PPAT: variants seen among roughly 807,000 people sequenced by gnomAD.
PPAT encodes amidophosphoribosyltransferase.
Under a neutral mutation model 60.2 loss-of-function variants are expected in PPAT, and 20 were observed. The ratio of observed to expected loss-of-function variants is 0.33; its 90% CI spans 0.23 to 0.48. The LOEUF is 0.48. Among genes scored for constraint, PPAT ranks in the 20% least tolerant of loss-of-function variants. The probability of loss-of-function intolerance (pLI) is 0.99; values close to 1 mark genes in which losing one functional copy is unlikely to be tolerated. For synonymous variants in PPAT, 194 were observed against 215.1 expected, an observed-to-expected ratio of 0.90 and a Z score of 0.86; for missense variants, 349 against 629.6, an observed-to-expected ratio of 0.55 and a Z score of 4.77.
intron 1 of PPAT, among the ~76,000 whole-genome samples, chr4:56,417,360 T>C (rs1207823949): frequency 6.6e-6 from 1 of 151,966 alleles, no homozygotes; most frequent in Non-Finnish European, 1.5e-5. Flanking sequence ...CTCAAACAAA[T>C]GCTATAAAGT....
intron 1 of PPAT, among the ~76,000 whole-genome samples, chr4:56,427,051 C>A (rs1052497833): frequency 2.0e-5 from 3 of 152,302 alleles, no homozygotes; most frequent in African/African-American, 7.2e-5. Flanking sequence ...AGGGCTCCTC[C>A]ATGTTGTAGC....
intron 1 of PPAT, among the ~76,000 whole-genome samples, chr4:56,433,275 C>A (rs1244719852): frequency 6.6e-6 from 1 of 151,358 alleles, no homozygotes. Flanking sequence ...ACATTTGTTC[C>A]TCAAAACCAC....
intron 1 of PPAT, chr4:56,410,914 A>G (rs1007302991): frequency 6.2e-5 from 61 of 977,640 alleles, no homozygotes; most frequent in Non-Finnish European, 7.2e-5. Context: ...AAAAAAAAAA[A>G]AAAAAAAAAA....
chr4:56,402,524 G>C (rs1332102284), intron 5 of PPAT, among the ~76,000 whole-genome samples: 1 of 152,052 alleles, frequency 6.6e-6, no homozygotes, highest in Non-Finnish European at 1.5e-5. Flanking sequence ...AACATTAAAA[G>C]GGATTCATCC....
chr4:56,422,628 A>C (rs2110060273), intron 1 of PPAT: 1 of 152,216 alleles, frequency 6.6e-6, no homozygotes, highest in Admixed American at 6.5e-5. Flanking sequence ...ATGTATTTGG[A>C]GACAGGGCCT....
chr4:56,419,563 C>A, intron 1 of PPAT: 1 of 525,794 alleles, frequency 1.9e-6, no homozygotes, highest in Non-Finnish European at 2.4e-6. Context: ...AATTATTTAC[C>A]TTGTCTGATG....
At chr4:56,423,188 T>C (rs559303937) in intron 1 of PPAT, 1 of 152,338 alleles carries the variant, frequency 6.6e-6, no homozygotes, top group African/African-American at 2.4e-5. Flanking sequence ...TCACAAAGTG[T>C]AAAGCTCAAT....
intron 1 of PPAT, among the ~76,000 whole-genome samples, chr4:56,417,758 C>T (rs55880613): frequency 6.6e-6 from 1 of 152,038 alleles, no homozygotes; most frequent in Non-Finnish European, 1.5e-5. Flanking sequence ...CACACTCCAG[C>T]CTGTGCAACA....
chr4:56,403,809 T>G (rs1716178404), intron 3 of PPAT, among the ~76,000 whole-genome samples: 1 of 152,172 alleles, frequency 6.6e-6, no homozygotes, highest in South Asian at 2.1e-4. Flanking sequence ...CATTATACAT[T>G]AGCTTCTCAT....
At chr4:56,400,997 C>T in intron 7 of PPAT, 86 bp from the exon 8 acceptor site, 2 of 1,312,664 alleles carry the variant, frequency 1.5e-6, no homozygotes, top group Non-Finnish European at 2.1e-6. Context: ...TAGAATTCTA[C>T]AGATTGAGTA....
At chr4:56,432,807 A>C (rs909131989) in intron 1 of PPAT, among the ~76,000 whole-genome samples, 3 of 150,480 alleles carry the variant, frequency 2.0e-5, no homozygotes, top group South Asian at 2.1e-4. Flanking sequence ...AAAAAAATCA[A>C]GAAGATAATA....
intron 1 of PPAT, 82 bp downstream of exon 1, chr4:56,435,268 G>A: frequency 6.3e-7 from 1 of 1,585,502 alleles, no homozygotes; most frequent in Non-Finnish European, 8.6e-7. Context: ...GGGCCCTCGG[G>A]CGCTCATGAG....
intron 9 of PPAT, among the ~76,000 whole-genome samples, chr4:56,398,249 A>G (rs1300288073): frequency 6.6e-6 from 1 of 152,044 alleles, no homozygotes; most frequent in African/African-American, 2.4e-5. Flanking sequence ...ACATGCCTAT[A>G]GTTGCAGCTA....
At chr4:56,408,301 A>G (rs1716297889) in intron 1 of PPAT, 1 of 152,620 alleles carries the variant, frequency 6.6e-6, no homozygotes, top group Admixed American at 6.5e-5. Flanking sequence ...TGGCCATAGT[A>G]GCACACGCTT....
Position 56,396,554 on chromosome 4 carries a change from A to G in PPAT, c.1357+65T>C. 6.8e-7 allele frequency: 1 copy of G among 1,475,644 alleles called. No individual in the cohort carries two copies. Among genetic ancestry groups the G allele is most frequent in the South Asian group, 1.2e-5 (1 of 82,970 alleles). The allele number at this position is 1,475,644 out of a possible 1,614,324, so 91.4% of individuals were successfully genotyped here. On this transcript the variant is annotated intron_variant, in intron 10 of 10. Transcript: ENST00000264220. This position sits in a 1 kb window ranked among gnomAD's most constrained non-coding sequence, Gnocchi z 4.6. Reference sequence around the variant, plus strand: ...GAATACTCCTTTTTACTAAAGGTGTAAAGACTGTCAAGCTTTGGATTTTCT... The same window carrying G: ...GAATACTCCTTTTTACTAAAGGTGTGAAGACTGTCAAGCTTTGGATTTTCT...
At chr4:56,434,181 T>G (rs1410038799) in intron 1 of PPAT, among the ~76,000 whole-genome samples, 1 of 152,234 alleles carries the variant, frequency 6.6e-6, no homozygotes. Flanking sequence ...TTTTGATGCT[T>G]CCCACATTCT....
Position 56,403,420 on chromosome 4 carries a change from A to C in PPAT, c.403-19T>G. The C allele has an allele frequency of 6.4e-7, 1 of 1,566,836 alleles. No individual in the cohort carries two copies. Among genetic ancestry groups the C allele is most frequent in the Non-Finnish European group, 8.7e-7 (1 of 1,144,372 alleles). On this transcript the variant is annotated intron_variant, in intron 3 of 10. Coordinates refer to ENST00000264220, the MANE Select transcript of PPAT (RefSeq NM_002703.5). ...GCAGAAGCTATATAGAAAAAAAGAG[A>C]AGTTTAATCATCAGAGGGGAAGCTC...
chr4:56,404,425 T>A (rs1716192469), intron 3 of PPAT, among the ~76,000 whole-genome samples: 1 of 152,222 alleles, frequency 6.6e-6, no homozygotes, highest in Non-Finnish European at 1.5e-5. Context: ...GTAGCAGATG[T>A]AATAAATATC....
intron 1 of PPAT, among the ~76,000 whole-genome samples, chr4:56,427,001 C>T (rs1295064561): frequency 2.0e-5 from 3 of 152,164 alleles, no homozygotes; most frequent in African/African-American, 7.2e-5. Context: ...ATACAATATT[C>T]GTCCATTTGT....
Sources: allele counts gnomAD v4.1 joint callset (sites outside exome capture counted in the v4.1 genomes callset), GRCh38; gene constraint gnomAD v4.1.1; non-coding constraint Gnocchi (gnomAD v3.1); transcripts MANE v1.5; gene names NCBI Gene and HGNC (gene_info 2026-07-23, HGNC 2026-07-21).